HHIPL1: variants seen among roughly 807,000 people sequenced by gnomAD.
HHIPL1 encodes HHIP-like protein 1.
A neutral mutation model predicts 61.8 loss-of-function variants in HHIPL1; 43 were observed. The observed-to-expected ratio is 0.70, with a 90% confidence interval of 0.55 to 0.90. HHIPL1 has a LOEUF of 0.90. HHIPL1 is among the 40% of genes least tolerant of loss of function. HHIPL1 has a pLI of 0.00. For synonymous variants in HHIPL1, 482 were observed against 515.8 expected (o/e 0.93, Z 0.89); for missense variants, 1,056 against 1,157.7 (o/e 0.91, Z 1.28).
the HHIPL1 span, among the ~76,000 whole-genome samples, chr14:99,631,223 G>GAGTAGCT: frequency 9.9e-5 from 15 of 151,470 alleles, no homozygotes; most frequent in African/African-American, 3.6e-4. Context: ...TCAGCCCCCA[G>GAGTAGCT]AGTAGCTGGA....
intron 1 of HHIPL1, among the ~76,000 whole-genome samples, chr14:99,647,622 G>A (rs1026610068): frequency 3.9e-5 from 6 of 152,240 alleles, no homozygotes; most frequent in Non-Finnish European, 8.8e-5. Context: ...GCTTAGAGAC[G>A]GCGGCTGAGG....
chr14:99,631,048 T>TTTTCTTTTTC, the HHIPL1 span, among the ~76,000 whole-genome samples: 41 of 120,504 alleles, frequency 3.4e-4, no homozygotes, highest in Admixed American at 1.4e-3. Context: ...AGTGGCTCCA[T>TTTTCTTTTTC]TTTCTTTCTT....
chr14:99,675,406 CCGT>C lies in HHIPL1; in HGVS notation c.2133_2135del (p.Val712del), dbSNP rs1566819430. ...GACTCCTGGAACATCAGCGGCGCCG[CCGT>C]CGTGTGTCGCCAGCTGGGGTTTGCC... On this transcript the variant is annotated inframe_deletion, in exon 9 of 9. Coordinates refer to ENST00000330710, the MANE Select transcript of HHIPL1 (RefSeq NM_001127258.3). The surrounding 1 kb of genome is among the most constrained non-coding windows in gnomAD (Gnocchi z 5.4). 6.5e-7 allele frequency: 1 copy of C among 1,529,224 alleles called. No individual in the cohort carries two copies. The highest frequency in any genetic ancestry group is 1.2e-5 in the South Asian group (1 of 83,242). The allele number at this position is 1,529,224 out of a possible 1,614,324, so 94.7% of individuals were successfully genotyped here. A position where few individuals can be genotyped will look rare whatever the true frequency, so the allele number is the denominator to read the frequency against.
chr14:99,659,748 C>T lies in HHIPL1; in HGVS notation c.1367C>T (p.Thr456Ile). The T allele has an allele frequency of 7.0e-7, 1 of 1,433,194 alleles. No individual in the cohort carries two copies. The allele number at this position is 1,433,194 out of a possible 1,614,324, so 88.8% of individuals were successfully genotyped here. A position where few individuals can be genotyped will look rare whatever the true frequency, so the allele number is the denominator to read the frequency against. ...TACGACCGCAGCCTGTGCGCCAACA[C>T]CTCTCTCAGTGAGTGCCCGCGCCCC... ...ECYDRSLCAN[T>I]SLNDLLPIFA... Residue 456 changes from threonine to isoleucine, a missense_variant, in exon 4 of 9, where the codon ACC becomes ATC. Physicochemically the swap from Thr to Ile is moderately conservative, Grantham distance 89 (BLOSUM62 -1). Coordinates refer to ENST00000330710, the MANE Select transcript of HHIPL1 (RefSeq NM_001127258.3).
At chr14:99,637,079 AG>A in the HHIPL1 span, among the ~76,000 whole-genome samples, 58 of 46,388 alleles carry the variant, frequency 1.3e-3, 1 homozygote, top group African/African-American at 3.2e-3. Context: ...AGAAAGAGAG[AG>A]AAAGAAAGAA....
chr14:99,669,276 A>C, intron 7 of HHIPL1: 1 of 1,045,062 alleles, frequency 9.6e-7, no homozygotes. Context: ...TCAGCTTTCT[A>C]AGCTGCTTCT....
At chr14:99,654,188 CAAAAAAAAAAAA>C (rs754501639) in intron 2 of HHIPL1, among the ~76,000 whole-genome samples, 1 of 90,000 alleles carries the variant, frequency 1.1e-5, no homozygotes, top group East Asian at 3.4e-4. Flanking sequence ...GACTCTGTCT[CAAAAAAAAAAAA>C]AAAAAAAAGA....
At chr14:99,667,188 G>A (rs933747256) in intron 6 of HHIPL1, among the ~76,000 whole-genome samples, 13 of 152,322 alleles carry the variant, frequency 8.5e-5, no homozygotes, top group East Asian at 3.9e-4. Context: ...TGTGCCTTGT[G>A]TCTGGGCTCC....
chr14:99,651,556 T>G (rs2055930502), intron 1 of HHIPL1, among the ~76,000 whole-genome samples: 1 of 152,072 alleles, frequency 6.6e-6, no homozygotes, highest in Non-Finnish European at 1.5e-5. Flanking sequence ...AAACCATGCG[T>G]GAGAACTCCG....
At chr14:99,636,680 G>A in the HHIPL1 span, among the ~76,000 whole-genome samples, 27 of 151,940 alleles carry the variant, frequency 1.8e-4, no homozygotes, top group Non-Finnish European at 2.5e-4. Flanking sequence ...AAAGAAGGAA[G>A]TTACAAAAAG....
intron 8 of HHIPL1, among the ~76,000 whole-genome samples, chr14:99,673,724 C>G (rs1595172315): frequency 5.3e-5 from 1 of 18,880 alleles, no homozygotes; most frequent in Non-Finnish European, 1.0e-4. Flanking sequence ...AGGGGTTGCA[C>G]TGAGGGGGGT....
At chr14:99,650,990 T>C (rs1159345665) in intron 1 of HHIPL1, among the ~76,000 whole-genome samples, 1 of 152,228 alleles carries the variant, frequency 6.6e-6, no homozygotes, top group East Asian at 1.9e-4. Context: ...TGCTCACGCC[T>C]GTAATCTCAG....
chr14:99,637,474 A>G, the HHIPL1 span, among the ~76,000 whole-genome samples: 1 of 149,530 alleles, frequency 6.7e-6, no homozygotes, highest in Non-Finnish European at 1.5e-5. Context: ...TGGGAGGCTG[A>G]GGCAGGAGAA....
At chr14:99,651,439 A>G (rs1318721054) in intron 1 of HHIPL1, among the ~76,000 whole-genome samples, 1 of 152,196 alleles carries the variant, frequency 6.6e-6, no homozygotes, top group Non-Finnish European at 1.5e-5. Flanking sequence ...ATGTCTCATG[A>G]CGACAGCAGC....
chr14:99,637,213 A>G, the HHIPL1 span, among the ~76,000 whole-genome samples: 365 of 94,840 alleles, frequency 3.8e-3, 2 homozygotes, highest in African/African-American at 5.5e-3. Flanking sequence ...AGAAAGAAAG[A>G]AAGAAAGAAA....
the HHIPL1 span, among the ~76,000 whole-genome samples, chr14:99,622,303 G>C: frequency 8.3e-3 from 1,266 of 152,252 alleles, 21 homozygotes; most frequent in African/African-American, 0.029. Context: ...CCCATCCTTA[G>C]AGACCCTCTA....
At chr14:99,614,616 G>A in the HHIPL1 span, among the ~76,000 whole-genome samples, 1 of 152,216 alleles carries the variant, frequency 6.6e-6, no homozygotes, top group South Asian at 2.1e-4. Context: ...TGAGCTACAT[G>A]AGGCACTTGT....
At chr14:99,638,592 G>A in the HHIPL1 span, among the ~76,000 whole-genome samples, 1 of 152,148 alleles carries the variant, frequency 6.6e-6, no homozygotes, top group African/African-American at 2.4e-5. Flanking sequence ...CCCCAGAGGG[G>A]CCAGCAAAGG....
chr14:99,606,247 C>CA, the HHIPL1 span, among the ~76,000 whole-genome samples: 1 of 152,160 alleles, frequency 6.6e-6, no homozygotes, highest in East Asian at 1.9e-4. Context: ...GGGGAGGGGA[C>CA]ATCCTCCCCT....
Sources: gnomAD v4.1 joint callset for allele counts (sites outside exome capture counted in the v4.1 genomes callset) on GRCh38, gnomAD v4.1.1 for gene constraint, Gnocchi (gnomAD v3.1) non-coding constraint, MANE v1.5 for transcripts, NCBI Gene and HGNC (gene_info 2026-07-23, HGNC 2026-07-21) for gene names.